NAALADL2: variants seen among roughly 807,000 people sequenced by gnomAD.
The protein encoded by NAALADL2 is N-acetylated alpha-linked acidic dipeptidase like 2, also known as inactive N-acetylated-alpha-linked acidic dipeptidase-like protein 2.
NAALADL2 carries 76 observed loss-of-function variants against 87.2 expected under a neutral mutation model. That is an observed-to-expected ratio of 0.87 (90% CI 0.72 to 1.05). NAALADL2 has a LOEUF of 1.05. Ranked by LOEUF, NAALADL2 falls within the 50% of genes least tolerant of loss-of-function variation. The pLI is 0.00. For synonymous variants in NAALADL2, 354 were observed against 331.0 expected (o/e 1.07, Z -0.75); for missense variants, 1,089 against 945.8 (o/e 1.15, Z -1.99).
chr3:175,495,092 A>ATATATTT (rs754412056), intron 9 of NAALADL2, among the ~76,000 whole-genome samples: 137 of 136,500 alleles, frequency 1.0e-3, no homozygotes, highest in East Asian at 7.5e-3. Flanking sequence ...ATATATATAT[A>ATATATTT]TTTTTTTTTA....
intron 5 of NAALADL2, among the ~76,000 whole-genome samples, chr3:175,445,752 A>T (rs893276481): frequency 2.0e-5 from 3 of 152,198 alleles, no homozygotes; most frequent in Admixed American, 6.5e-5. Context: ...TTAAGCTAAT[A>T]ATTGTCTCCC....
At chr3:175,770,640 G>A (rs1305270083) in intron 13 of NAALADL2, among the ~76,000 whole-genome samples, 2 of 152,176 alleles carry the variant, frequency 1.3e-5, no homozygotes, top group Non-Finnish European at 1.5e-5. Flanking sequence ...GCCTTCAAAT[G>A]TGCCAGGTAC....
chr3:175,802,875 G>A (rs573840562), intron 13 of NAALADL2, 130 bp from the exon 14 acceptor site: 77 of 606,558 alleles, frequency 1.3e-4, no homozygotes, highest in Admixed American at 7.1e-4. Context: ...TTGAAAAATC[G>A]TGATATTATA....
chr3:175,642,377 GAAAT>G (rs1446840623), intron 11 of NAALADL2, among the ~76,000 whole-genome samples: 1 of 152,028 alleles, frequency 6.6e-6, no homozygotes, highest in East Asian at 1.9e-4. Context: ...CATGCAAGAA[GAAAT>G]AACGGAGATT....
intron 1 of NAALADL2, among the ~76,000 whole-genome samples, chr3:175,010,526 G>A (rs1255096923): frequency 6.6e-6 from 1 of 152,152 alleles, no homozygotes; most frequent in African/African-American, 2.4e-5. Flanking sequence ...ACTTTGTTAA[G>A]TGGTCTATTT....
At position 174,859,373 on chromosome 3, in the gene NAALADL2, A is replaced by T. The variant is rs754269839; in HGVS notation, c.-35A>T. The T allele has an allele frequency of 6.4e-7, 1 of 1,569,314 alleles. No individual in the cohort carries two copies. The highest frequency in any genetic ancestry group is 1.1e-5 in the South Asian group (1 of 87,454). ...CTTGCAGGGTAAGTGACACAACTTG[A>T]AACTGCTTGGCCCTCTTTAAAAAGA... is the stretch of plus-strand genomic sequence containing the variant. On this transcript the variant is annotated 5_prime_UTR_variant, in exon 1 of 14. Transcript: ENST00000454872.
At chr3:174,945,882 T>C (rs953504865) in intron 1 of NAALADL2, among the ~76,000 whole-genome samples, 1 of 151,740 alleles carries the variant, frequency 6.6e-6, no homozygotes, top group African/African-American at 2.4e-5. Flanking sequence ...CAGTCTCTAC[T>C]AAAAATACAA....
At chr3:174,789,669 G>T (rs2109194999) in intron 3 of NAALADL2, among the ~76,000 whole-genome samples, 1 of 152,272 alleles carries the variant, frequency 6.6e-6, no homozygotes, top group South Asian at 2.1e-4. Context: ...AATGCAAATG[G>T]TAAATAAGAG....
At chr3:175,321,943 C>T (rs1245572692) in intron 4 of NAALADL2, among the ~76,000 whole-genome samples, 5 of 150,946 alleles carry the variant, frequency 3.3e-5, no homozygotes, top group Non-Finnish European at 5.9e-5. Context: ...ATGCCATCCC[C>T]ATCAAGCTAC....
At chr3:175,306,757 G>T (rs767974930) in intron 4 of NAALADL2, among the ~76,000 whole-genome samples, 190 of 152,246 alleles carry the variant, frequency 1.2e-3, no homozygotes, top group Non-Finnish European at 2.8e-4. Context: ...GAGGCAGGAG[G>T]ATCGCTTGAA....
chr3:175,511,167 C>T (rs1289833176), intron 9 of NAALADL2, among the ~76,000 whole-genome samples: 1 of 152,074 alleles, frequency 6.6e-6, no homozygotes, highest in South Asian at 2.1e-4. Flanking sequence ...AGTGGTCGTT[C>T]CTAGATAACC....
chr3:175,745,106 C>T (rs185855986), intron 12 of NAALADL2, among the ~76,000 whole-genome samples: 13 of 152,226 alleles, frequency 8.5e-5, no homozygotes, highest in African/African-American at 2.6e-4. Context: ...TTATTTATTA[C>T]GCTAGTTTAC....
chr3:175,376,346 G>A (rs1233549883), intron 5 of NAALADL2, among the ~76,000 whole-genome samples: 1 of 151,512 alleles, frequency 6.6e-6, no homozygotes, highest in African/African-American at 2.4e-5. Context: ...ATTTTTACTT[G>A]AATTTCATTT....
At chr3:175,257,579 T>A (rs1750213165) in intron 4 of NAALADL2, among the ~76,000 whole-genome samples, 1 of 151,682 alleles carries the variant, frequency 6.6e-6, no homozygotes, top group African/African-American at 2.4e-5. Flanking sequence ...TATTCTAAGG[T>A]TGGGGTCAGG....
intron 3 of NAALADL2, among the ~76,000 whole-genome samples, chr3:174,831,046 T>A (rs1722617818): frequency 6.6e-6 from 1 of 151,144 alleles, no homozygotes; most frequent in South Asian, 2.1e-4. Context: ...AATCATGTCA[T>A]CTGCAAACAG....
At chr3:175,655,431 C>A in intron 11 of NAALADL2, 1 of 320,414 alleles carries the variant, frequency 3.1e-6, no homozygotes, top group Non-Finnish European at 6.1e-6. Flanking sequence ...TGGAGTTTGC[C>A]AAACAATGCG....
At chr3:175,738,388 C>T (rs1744803022) in intron 12 of NAALADL2, among the ~76,000 whole-genome samples, 1 of 152,124 alleles carries the variant, frequency 6.6e-6, no homozygotes, top group African/African-American at 2.4e-5. Flanking sequence ...GCTGGAACTA[C>T]AGGCACATGC....
intron 1 of NAALADL2, among the ~76,000 whole-genome samples, chr3:174,987,592 A>C (rs1243971265): frequency 1.4e-5 from 2 of 142,146 alleles, no homozygotes; most frequent in Admixed American, 6.9e-5. Flanking sequence ...AAAAAAAAAA[A>C]AAAAAACAAT....
chr3:175,245,606 G>A (rs537925159), intron 3 of NAALADL2, among the ~76,000 whole-genome samples: 2 of 152,284 alleles, frequency 1.3e-5, no homozygotes, highest in East Asian at 1.9e-4. Flanking sequence ...TAGTCACTGT[G>A]CCATTAAGCA....
Sources: allele counts gnomAD v4.1 joint callset (sites outside exome capture counted in the v4.1 genomes callset), GRCh38; gene constraint gnomAD v4.1.1; transcripts MANE v1.5; gene names NCBI Gene and HGNC (gene_info 2026-07-23, HGNC 2026-07-21).